The following BIN2 variants were observed in gnomAD, a reference collection of about 807,000 sequenced individuals.
BIN2 encodes bridging integrator 2, also known as breast cancer associated protein BRAP1.
A neutral mutation model predicts 67.9 loss-of-function variants in BIN2; 43 were observed. That is an observed-to-expected ratio of 0.63 (90% CI 0.50 to 0.82). The LOEUF is 0.82. Ranked by LOEUF, BIN2 falls within the 40% of genes least tolerant of loss-of-function variation. The pLI is 0.00. For missense variants in BIN2, 581 were observed against 671.6 expected (o/e 0.87, Z 1.49); for synonymous variants, 244 against 246.8 (o/e 0.99, Z 0.11).
At chr12:51,288,393 T>C (rs1945296593) in intron 10 of BIN2, among the ~76,000 whole-genome samples, 1 of 152,240 alleles carries the variant, frequency 6.6e-6, no homozygotes, top group South Asian at 2.1e-4. Flanking sequence ...ACATGGCTCA[T>C]GTGCTAGCCT....
chr12:51,281,923 T>TA (rs148575187), intron 12 of BIN2, among the ~76,000 whole-genome samples: 15 of 150,018 alleles, frequency 1.0e-4, no homozygotes, highest in East Asian at 3.9e-4. Flanking sequence ...GCTAATTTAT[T>TA]AAAAAAAAAA....
chr12:51,318,655 C>T (rs904976539), intron 1 of BIN2, among the ~76,000 whole-genome samples: 3 of 152,176 alleles, frequency 2.0e-5, no homozygotes, highest in African/African-American at 2.4e-5. Flanking sequence ...ATATGGGCTC[C>T]TATCTTGGCC....
At chr12:51,310,998 T>G (rs1398562394) in intron 2 of BIN2, among the ~76,000 whole-genome samples, 1 of 151,910 alleles carries the variant, frequency 6.6e-6, no homozygotes, top group Non-Finnish European at 1.5e-5. Context: ...AGCTCAGCAC[T>G]TTGGGCTGCC....
At chr12:51,288,493 C>T (rs1945299990) in intron 10 of BIN2, among the ~76,000 whole-genome samples, 1 of 152,152 alleles carries the variant, frequency 6.6e-6, no homozygotes, top group East Asian at 1.9e-4. Flanking sequence ...AATTTTTCTT[C>T]ATATCACTTA....
chr12:51,294,591 C>A (rs1026317641), intron 9 of BIN2, among the ~76,000 whole-genome samples: 5 of 149,798 alleles, frequency 3.3e-5, no homozygotes, highest in East Asian at 1.9e-4. Context: ...CAAAAAAAAC[C>A]CCCCAAAAAC....
chr12:51,302,822 C>G (rs2137400563), intron 3 of BIN2, 42 bp from the exon 4 acceptor site: 1 of 1,527,498 alleles, frequency 6.5e-7, no homozygotes, highest in Non-Finnish European at 9.1e-7. Flanking sequence ...GTTTCCCCAA[C>G]AGTAGTTGGT....
intron 2 of BIN2, among the ~76,000 whole-genome samples, chr12:51,306,602 G>C (rs868182971): frequency 6.6e-6 from 1 of 152,186 alleles, no homozygotes; most frequent in East Asian, 1.9e-4. Flanking sequence ...ACTGCAGCCT[G>C]GGCGACACAG....
intron 12 of BIN2, 113 bp from the exon 13 acceptor site, chr12:51,281,641 G>A (rs1945122213): frequency 1.8e-6 from 2 of 1,118,760 alleles, no homozygotes; most frequent in South Asian, 1.3e-5. Context: ...AATGCCACTG[G>A]CCTCTCTTGA....
At chr12:51,315,564 G>A (rs1482807338) in intron 1 of BIN2, among the ~76,000 whole-genome samples, 1 of 152,168 alleles carries the variant, frequency 6.6e-6, no homozygotes, top group Non-Finnish European at 1.5e-5. Flanking sequence ...ACTGTGCATG[G>A]CTTTTAAGTA....
At chr12:51,302,231 A>G in intron 4 of BIN2, 116 bp from the exon 5 acceptor site, 1 of 684,198 alleles carries the variant, frequency 1.5e-6, no homozygotes, top group Non-Finnish European at 2.5e-6. Flanking sequence ...TATTTAGAAT[A>G]CCATGTTGGA....
chr12:51,286,579 T>A (rs552145800), intron 11 of BIN2, among the ~76,000 whole-genome samples: 88 of 152,284 alleles, frequency 5.8e-4, no homozygotes, highest in African/African-American at 2.0e-3. Flanking sequence ...CCAGAGGCAA[T>A]CAAAAAGTCA....
intron 12 of BIN2, among the ~76,000 whole-genome samples, chr12:51,281,959 T>C (rs925926284): frequency 2.0e-5 from 3 of 152,190 alleles, no homozygotes; most frequent in East Asian, 1.9e-4. Context: ...GGTCTTGAAC[T>C]CCTGGGCTCA....
intron 6 of BIN2, 122 bp from the exon 7 acceptor site, chr12:51,299,410 C>T (rs1439441048): frequency 9.7e-7 from 1 of 1,035,462 alleles, no homozygotes; most frequent in Non-Finnish European, 1.5e-6. Context: ...CTCTTCTTCC[C>T]CTGACCATGC....
chr12:51,320,267 A>G (rs1347216268), intron 1 of BIN2, among the ~76,000 whole-genome samples: 1 of 151,966 alleles, frequency 6.6e-6, no homozygotes, highest in Non-Finnish European at 1.5e-5. Context: ...TGATCTACCC[A>G]CCTCGCCCTC....
intron 1 of BIN2, among the ~76,000 whole-genome samples, chr12:51,318,846 C>T: frequency 6.6e-6 from 1 of 152,144 alleles, no homozygotes; most frequent in East Asian, 1.9e-4. Context: ...TCAATAGGTA[C>T]TCACTGTCAT....
intron 2 of BIN2, among the ~76,000 whole-genome samples, chr12:51,308,476 G>A (rs532972958): frequency 6.6e-6 from 1 of 152,296 alleles, no homozygotes; most frequent in South Asian, 2.1e-4. Flanking sequence ...GACAGAGCTA[G>A]GTCTTAAGAG....
chr12:51,286,787 A>G (rs1945245885), intron 11 of BIN2, among the ~76,000 whole-genome samples: 1 of 152,188 alleles, frequency 6.6e-6, no homozygotes, highest in Non-Finnish European at 1.5e-5. Flanking sequence ...CAGCTGCCTC[A>G]GACTAGAAAC....
chr12:51,324,112 T>A lies in BIN2; in HGVS notation c.-10A>T, dbSNP rs1298500934. The A allele has an allele frequency of 2.5e-6, 4 of 1,612,482 alleles. No individual in the cohort carries two copies. The highest frequency in any genetic ancestry group is 3.4e-6 in the Non-Finnish European group (4 of 1,179,300). ...CCTTGCCCTCTGCCATCCTGCCAAC[T>A]CCCTGGGGGCCGCCGCCCTGGCCCC... On this transcript the variant is annotated 5_prime_UTR_variant, in exon 1 of 13. Coordinates refer to ENST00000615107, the MANE Select transcript of BIN2 (RefSeq NM_016293.4).
intron 11 of BIN2, among the ~76,000 whole-genome samples, chr12:51,286,725 A>G (rs879931200): frequency 1.3e-5 from 2 of 152,212 alleles, no homozygotes; most frequent in Admixed American, 6.5e-5. Flanking sequence ...CCCCGCATCT[A>G]TCCTGCACTT....
Sources: gnomAD v4.1 joint callset for allele counts (sites outside exome capture counted in the v4.1 genomes callset) on GRCh38, gnomAD v4.1.1 for gene constraint, MANE v1.5 for transcripts, NCBI Gene and HGNC (gene_info 2026-07-23, HGNC 2026-07-21) for gene names.